PCDH11X: variants seen among roughly 807,000 people sequenced by gnomAD.
PCDH11X encodes protocadherin 11 X-linked.
A neutral mutation model predicts 53.3 loss-of-function variants in PCDH11X; 18 were observed. The ratio of observed to expected loss-of-function variants is 0.34; its 90% CI spans 0.23 to 0.50. The LOEUF (loss-of-function observed/expected upper bound fraction) is 0.50. PCDH11X is among the 20% of genes least tolerant of loss of function. The probability of loss-of-function intolerance (pLI) is 0.98; values close to 1 mark genes in which losing one functional copy is unlikely to be tolerated. For synonymous variants in PCDH11X, 279 were observed against 393.3 expected (o/e 0.71, Z 3.44); for missense variants, 570 against 1,032.4 (o/e 0.55, Z 6.14).
At chrX:92,132,019 C>A (rs1250929552) in intron 6 of PCDH11X, among the ~76,000 whole-genome samples, 2 of 105,524 alleles carry the variant, frequency 1.9e-5, no homozygotes, top group East Asian at 3.0e-4. Flanking sequence ...CGCCTATAAT[C>A]CCAGCACTTT....
chrX:92,111,905 C>T (rs1381638327), intron 6 of PCDH11X, among the ~76,000 whole-genome samples: 2 of 109,459 alleles, frequency 1.8e-5, no homozygotes, highest in African/African-American at 6.7e-5. Context: ...TACAGGCGCC[C>T]GCCACCTCGC....
chrX:92,039,808 C>A (rs1428677769), intron 6 of PCDH11X, among the ~76,000 whole-genome samples: 1 of 110,681 alleles, frequency 9.0e-6, no homozygotes, highest in African/African-American at 3.3e-5. Flanking sequence ...GCCACCACAG[C>A]TGGGAATGTG....
rs1384934426 is a variant in PCDH11X at position 91,801,372 on chromosome X, G to A, written c.-378-8094G>A. ...GTCTTGAGTCATAATGCAGACAAAAGGTAACATCGGCTGCATATTGTGCCT... is the reference window on the plus strand; with the variant it reads ...GTCTTGAGTCATAATGCAGACAAAAAGTAACATCGGCTGCATATTGTGCCT... On this transcript the variant is annotated intron_variant, in intron 1 of 10. Transcript: ENST00000682573. 3.7e-5 allele frequency among the ~76,000 whole-genome samples: 4 copies of A among 109,284 alleles called. No individual in the cohort carries two copies. The South Asian group carries it at 1.6e-3, about 44-fold the overall frequency. 94.9% of individuals were successfully genotyped at this position (109,284 alleles called of 115,157 possible).
chrX:92,131,647 T>C (rs1437670900), intron 6 of PCDH11X, among the ~76,000 whole-genome samples: 1 of 111,829 alleles, frequency 8.9e-6, no homozygotes, highest in Non-Finnish European at 1.9e-5. Context: ...TTTAAAGACA[T>C]AAGTGATTAA....
chrX:92,515,058 AAAAAAG>A (rs1300593065), intron 10 of PCDH11X, among the ~76,000 whole-genome samples: 1 of 97,040 alleles, frequency 1.0e-5, no homozygotes, highest in Admixed American at 1.1e-4. Context: ...AAAAAAAAAA[AAAAAAG>A]AAAAGAAAAG....
intron 10 of PCDH11X, among the ~76,000 whole-genome samples, chrX:92,613,994 T>A (rs1389203316): frequency 9.0e-6 from 1 of 110,679 alleles, no homozygotes; most frequent in African/African-American, 3.3e-5. Flanking sequence ...AATCCAGAAG[T>A]TCTGATTGCT....
chrX:92,361,339 C>T (rs1378233171), intron 8 of PCDH11X, among the ~76,000 whole-genome samples: 1 of 111,187 alleles, frequency 9.0e-6, no homozygotes, highest in African/African-American at 3.3e-5. Context: ...TTCTAAACAT[C>T]CTAAGCCCTA....
chrX:92,126,776 G>A (rs1471399424), intron 6 of PCDH11X, among the ~76,000 whole-genome samples: 113 of 105,487 alleles, frequency 1.1e-3, no homozygotes, highest in Non-Finnish European at 1.9e-3. Context: ...TTTAAAGTAT[G>A]GGAGAATCTA....
chrX:91,847,335 T>C (rs1388028758), intron 5 of PCDH11X, among the ~76,000 whole-genome samples: 1 of 110,992 alleles, frequency 9.0e-6, no homozygotes, highest in African/African-American at 3.3e-5. Flanking sequence ...CCAACGTTTT[T>C]TGTACATTTT....
intron 10 of PCDH11X, among the ~76,000 whole-genome samples, chrX:92,537,338 A>C (rs2074679293): frequency 9.1e-6 from 1 of 109,539 alleles, no homozygotes. Context: ...GAAAGCTATA[A>C]AATCTAATAA....
chrX:92,552,302 C>T (rs1288655904), intron 10 of PCDH11X, among the ~76,000 whole-genome samples: 1 of 106,926 alleles, frequency 9.4e-6, no homozygotes, highest in Non-Finnish European at 1.9e-5. Context: ...TTATTTGTTA[C>T]TATTGTAAAT....
intron 9 of PCDH11X, among the ~76,000 whole-genome samples, chrX:92,395,464 G>A (rs1328353258): frequency 9.0e-6 from 1 of 111,011 alleles, no homozygotes; most frequent in Non-Finnish European, 1.9e-5. Context: ...ACTCTAGTCC[G>A]TTTACTACAA....
At chrX:92,616,534 G>T (rs955066671) in intron 10 of PCDH11X, among the ~76,000 whole-genome samples, 53 of 111,408 alleles carry the variant, frequency 4.8e-4, no homozygotes, top group African/African-American at 1.7e-3. Context: ...AATCACTGTA[G>T]AATTTTGTGG....
At chrX:92,453,739 C>T (rs933918673) in intron 9 of PCDH11X, among the ~76,000 whole-genome samples, 5 of 110,709 alleles carry the variant, frequency 4.5e-5, no homozygotes, top group African/African-American at 9.8e-5. Context: ...TTTGAAATAG[C>T]GTTTAAAATA....
intron 6 of PCDH11X, among the ~76,000 whole-genome samples, chrX:92,083,010 T>C (rs1482589605): frequency 4.5e-5 from 5 of 111,703 alleles, no homozygotes; most frequent in African/African-American, 1.6e-4. Flanking sequence ...GAGCCTGCCA[T>C]GTTTATTCTG....
chrX:91,786,811 G>A (rs1227582684), intron 1 of PCDH11X, among the ~76,000 whole-genome samples: 1 of 108,547 alleles, frequency 9.2e-6, no homozygotes, highest in Non-Finnish European at 1.9e-5. Context: ...TCCAAGCCAG[G>A]TCTTTTCCCA....
At chrX:91,828,711 T>G (rs983157350) in intron 4 of PCDH11X, among the ~76,000 whole-genome samples, 2 of 111,723 alleles carry the variant, frequency 1.8e-5, no homozygotes, top group African/African-American at 6.5e-5. Flanking sequence ...TTGCTTAGCG[T>G]TCTAAGATGT....
intron 7 of PCDH11X, among the ~76,000 whole-genome samples, chrX:92,226,578 A>T (rs761892732): frequency 1.1e-4 from 12 of 112,076 alleles, no homozygotes; most frequent in Middle Eastern, 4.6e-3. Context: ...AAGTTACAGT[A>T]AAATTAAACT....
chrX:92,131,599 C>A, intron 6 of PCDH11X, among the ~76,000 whole-genome samples: 1 of 111,656 alleles, frequency 9.0e-6, no homozygotes, highest in South Asian at 3.7e-4. Context: ...AGCTTATATA[C>A]CTTCTAAGCT....
Sources: gnomAD v4.1 joint callset for allele counts (sites outside exome capture counted in the v4.1 genomes callset) on GRCh38, gnomAD v4.1.1 for gene constraint, MANE v1.5 for transcripts, NCBI Gene and HGNC (gene_info 2026-07-23, HGNC 2026-07-21) for gene names.